The following CRACD variants were observed in gnomAD, a reference collection of about 807,000 sequenced individuals.
CRACD encodes the protein capping protein-inhibiting regulator of actin dynamics.
A neutral mutation model predicts 106.8 loss-of-function variants in CRACD; 56 were observed. The ratio of observed to expected loss-of-function variants is 0.52; its 90% confidence interval spans 0.42 to 0.66. CRACD has a LOEUF of 0.66. CRACD is among the 30% of genes least tolerant of loss of function. CRACD has a pLI of 0.00. For missense variants in CRACD, 1,730 were observed against 1,623.2 expected, an observed-to-expected ratio of 1.07 and a Z score of -1.13; for synonymous variants, 754 against 670.8, an observed-to-expected ratio of 1.12 and a Z score of -1.92.
chr4:56,252,630 C>A (rs1741119933), intron 2 of CRACD, among the ~76,000 whole-genome samples: 1 of 152,098 alleles, frequency 6.6e-6, no homozygotes, highest in African/African-American at 2.4e-5. Flanking sequence ...CACTGGTGAT[C>A]CATAGATAGG....
At chr4:56,240,306 C>G (rs555243061) in intron 2 of CRACD, among the ~76,000 whole-genome samples, 37 of 152,046 alleles carry the variant, frequency 2.4e-4, no homozygotes, top group African/African-American at 8.7e-4. Context: ...AGGGGGATTC[C>G]TAACACAGAC....
At chr4:56,093,239 G>C (rs961790008) in intron 1 of CRACD, among the ~76,000 whole-genome samples, 1 of 152,180 alleles carries the variant, frequency 6.6e-6, no homozygotes, top group African/African-American at 2.4e-5. Flanking sequence ...GCACTGAGGA[G>C]TCATGCTAGC....
rs2109810738 is a variant in CRACD, at chr4:56,328,594, A to G, written c.*790A>G. ...TCACTTTCTGTCTCTGAGAATCTCC[A>G]TCTAGGGCAGTAGTTCTTATGATGT... On this transcript the variant is annotated 3_prime_UTR_variant, in exon 11 of 11. Coordinates refer to ENST00000682029, the MANE Select transcript of CRACD (RefSeq NM_001393381.1). 1 of 339,466 alleles carries G rather than the reference A, an allele frequency of 2.9e-6. No homozygotes were observed. The highest frequency in any genetic ancestry group is 2.4e-5 in the South Asian group (1 of 40,934). 21.0% of individuals were successfully genotyped at this position (339,466 alleles called of 1,614,324 possible).
chr4:56,309,810 C>T (rs1048377012), intron 5 of CRACD, among the ~76,000 whole-genome samples: 2 of 151,982 alleles, frequency 1.3e-5, no homozygotes, highest in Non-Finnish European at 2.9e-5. Context: ...GCTGAGATCA[C>T]GGCACTGTAC....
At chr4:56,327,568 C>T in intron 10 of CRACD, 76 bp from the exon 11 acceptor site, 1 of 1,282,384 alleles carries the variant, frequency 7.8e-7, no homozygotes, top group Non-Finnish European at 1.1e-6. Flanking sequence ...CATAGTTTAT[C>T]ATCTGTTAAT....
chr4:56,160,033 G>A (rs972116146), intron 1 of CRACD, among the ~76,000 whole-genome samples: 8 of 151,804 alleles, frequency 5.3e-5, no homozygotes, highest in African/African-American at 1.7e-4. Flanking sequence ...CGCCCGCCTC[G>A]GCTTCCCAAA....
At chr4:56,159,087 C>T (rs948168078) in intron 1 of CRACD, among the ~76,000 whole-genome samples, 1 of 152,156 alleles carries the variant, frequency 6.6e-6, no homozygotes, top group Non-Finnish European at 1.5e-5. Context: ...GACGTCTCAC[C>T]CCTCTGGGGA....
At chr4:56,227,237 C>T (rs535541112) in intron 2 of CRACD, among the ~76,000 whole-genome samples, 139 of 152,238 alleles carry the variant, frequency 9.1e-4, no homozygotes, top group African/African-American at 3.2e-3. Context: ...AATACTGTGA[C>T]TATTATATAA....
At chr4:56,154,503 A>G (rs1735701833) in intron 1 of CRACD, among the ~76,000 whole-genome samples, 1 of 119,206 alleles carries the variant, frequency 8.4e-6, no homozygotes, top group Non-Finnish European at 1.7e-5. Context: ...AAGAGAATCA[A>G]ATAATTTTTA....
chr4:56,266,832 G>T (rs1742049820), intron 2 of CRACD, among the ~76,000 whole-genome samples: 1 of 152,134 alleles, frequency 6.6e-6, no homozygotes, highest in African/African-American at 2.4e-5. Context: ...ATATGCTCAG[G>T]TTTTCATAAT....
chr4:56,203,043 T>G lies in CRACD; in HGVS notation c.-189+23613T>G, dbSNP rs572260313. Among the ~76,000 whole-genome samples the G allele has an allele frequency of 6.6e-5, 10 of 152,330 alleles. No homozygotes were observed. The South Asian group carries it at 1.0e-3, about 16-fold the overall frequency. On this transcript the variant is annotated intron_variant, in intron 2 of 10. Coordinates refer to ENST00000682029, the MANE Select transcript of CRACD (RefSeq NM_001393381.1). ...AATGATTCTTATAGAAAAATCAGCT[T>G]TGATAATGCATATTGCAATAAGAAT...
chr4:56,121,832 A>C (rs1225515336), intron 1 of CRACD, among the ~76,000 whole-genome samples: 1 of 152,236 alleles, frequency 6.6e-6, no homozygotes. Context: ...AATTAAAAAC[A>C]TGCTCATTTG....
In CRACD at chr4:56,143,060, A is replaced by G. The variant is rs538379604; in HGVS notation, c.-335-36224A>G. Among the ~76,000 whole-genome samples, 5 of 151,996 alleles carry G rather than the reference A, an allele frequency of 3.3e-5. No homozygotes were observed. In the East Asian group the frequency reaches 9.6e-4, roughly 29 times the overall value. On this transcript the variant is annotated intron_variant, in intron 1 of 10. Transcript: ENST00000682029. The stretch of plus-strand genomic sequence containing the variant: ...TGCTAGAAAAAATTTTAGAACTATA[A>G]TATCTAATTCTAGACATAAAAATTG...
chr4:56,294,150 C>T (rs968262659), intron 3 of CRACD, among the ~76,000 whole-genome samples: 3 of 151,438 alleles, frequency 2.0e-5, no homozygotes, highest in African/African-American at 7.3e-5. Flanking sequence ...CCCCTGAATC[C>T]AGGAGTTCAA....
intron 2 of CRACD, among the ~76,000 whole-genome samples, chr4:56,182,851 G>GA (rs1009047545): frequency 1.5e-5 from 2 of 136,798 alleles, no homozygotes; most frequent in East Asian, 2.3e-4. Context: ...ATACAACGTA[G>GA]AAAAAAAAGA....
In CRACD at chr4:56,315,766, A is replaced by G; in HGVS notation, c.2264A>G (p.Glu755Gly). ...IRKRPMLGPS[E>G]ETAPQPPPAG... Reference sequence around the variant, plus strand: ...AAAAGACCCATGCTGGGACCCAGCGAAGAGACAGCCCCCCAGCCTCCTCCT... The same window carrying G: ...AAAAGACCCATGCTGGGACCCAGCGGAGAGACAGCCCCCCAGCCTCCTCCT... Residue 755 changes from glutamate (E) to glycine (G), a missense_variant, in exon 8 of 11, where the codon GAA becomes GGA. Transcript: ENST00000682029. The surrounding 1 kb of genome is among the most constrained non-coding windows in gnomAD (Gnocchi z 4.1). 1 of 1,614,250 alleles carries G rather than the reference A, an allele frequency of 6.2e-7. No homozygotes were observed. Among genetic ancestry groups the G allele is most frequent in the Non-Finnish European group, 8.5e-7 (1 of 1,180,042 alleles).
intron 2 of CRACD, among the ~76,000 whole-genome samples, chr4:56,205,733 C>T (rs571975283): frequency 6.6e-6 from 1 of 152,306 alleles, no homozygotes; most frequent in South Asian, 2.1e-4. Context: ...TCGCTTCAGC[C>T]TCCCAAAGTG....
chr4:56,215,438 A>G (rs1027123322), intron 2 of CRACD, among the ~76,000 whole-genome samples: 1 of 152,254 alleles, frequency 6.6e-6, no homozygotes, highest in African/African-American at 2.4e-5. Flanking sequence ...ATTTCAGCAT[A>G]TTAATGCTGG....
rs1004845399 is a variant in CRACD, at chr4:56,114,213, A to T, written c.-336+64914A>T. The stretch of plus-strand genomic sequence containing the variant: ...GTAGGCCCGGTTCTTACGCTTGTCA[A>T]TAGGTGCTATATACACACCTATTGT... On this transcript the variant is annotated intron_variant, in intron 1 of 10. Coordinates refer to ENST00000682029, the MANE Select transcript of CRACD (RefSeq NM_001393381.1). 2.0e-5 allele frequency among the ~76,000 whole-genome samples: 3 copies of T among 151,266 alleles called. No homozygotes were observed. The East Asian group carries it at 6.0e-4, about 30-fold the overall frequency.
Sources: allele counts gnomAD v4.1 joint callset (sites outside exome capture counted in the v4.1 genomes callset), GRCh38; gene constraint gnomAD v4.1.1; non-coding constraint Gnocchi (gnomAD v3.1); transcripts MANE v1.5; gene names NCBI Gene and HGNC (gene_info 2026-07-23, HGNC 2026-07-21).